The following BRSK2 variants were observed in gnomAD, a reference collection of about 807,000 sequenced individuals.
The protein encoded by BRSK2 is serine/threonine-protein kinase BRSK2.
BRSK2 carries 19 observed loss-of-function variants against 83.3 expected under a neutral mutation model. The ratio of observed to expected loss-of-function variants is 0.23; its 90% CI spans 0.16 to 0.33. BRSK2 has a LOEUF of 0.33. BRSK2 is among the 10% of genes least tolerant of loss of function. BRSK2 has a pLI of 1.00. For synonymous variants in BRSK2, 519 were observed against 435.4 expected (o/e 1.19, Z -2.39); for missense variants, 798 against 1,042.3 (o/e 0.77, Z 3.23).
intron 12 of BRSK2, among the ~76,000 whole-genome samples, chr11:1,447,060 G>T (rs1852247192): frequency 6.6e-6 from 1 of 151,912 alleles, no homozygotes; most frequent in South Asian, 2.1e-4. Context: ...ATGGCCCCCT[G>T]GGAGTCCTAG....
intron 4 of BRSK2, among the ~76,000 whole-genome samples, chr11:1,441,568 C>CA (rs1305541576): frequency 4.1e-4 from 1 of 2,444 alleles, no homozygotes; most frequent in Non-Finnish European, 1.1e-3. Flanking sequence ...GTGCACCGTC[C>CA]CCCCATTAGC....
At position 1,390,479 on chromosome 11, in the gene BRSK2, G is replaced by A; in HGVS notation, c.91+104G>A. The A allele has an allele frequency of 1.7e-6, 1 of 575,482 alleles. No individual in the cohort carries two copies. The highest frequency in any genetic ancestry group is 2.2e-6 in the Non-Finnish European group (1 of 457,114). The allele number at this position is 575,482 out of a possible 1,614,324, so 35.6% of individuals were successfully genotyped here. On this transcript the variant is annotated intron_variant, in intron 1 of 19. Coordinates refer to ENST00000528841, the MANE Select transcript of BRSK2 (RefSeq NM_001256627.2). This position sits in a 1 kb window ranked among gnomAD's most constrained non-coding sequence, Gnocchi z 6.8. ...CCCCGGCCGCGAAGCCGCAGGCCCGGCCCGGGCCCCGGCCGCGAACAATGG... is the reference window on the plus strand; with the variant it reads ...CCCCGGCCGCGAAGCCGCAGGCCCGACCCGGGCCCCGGCCGCGAACAATGG...
rs1458532464 is a variant in BRSK2, at chr11:1,460,761, G to A, written c.*38G>A. The A allele has an allele frequency of 7.2e-6, 10 of 1,389,668 alleles. No homozygotes were observed. Among genetic ancestry groups the A allele is most frequent in the Admixed American group, 3.2e-5 (1 of 31,198 alleles). 86.1% of individuals were successfully genotyped at this position (1,389,668 alleles called of 1,614,324 possible). A position where few individuals can be genotyped will look rare whatever the true frequency, so the allele number is the denominator to read the frequency against. On this transcript the variant is annotated 3_prime_UTR_variant, in exon 20 of 20. Coordinates refer to ENST00000528841, the MANE Select transcript of BRSK2 (RefSeq NM_001256627.2). Reference sequence around the variant, plus strand: ...CCCCCCCCAGCACAGCACTGACAGCGGCTGCCTCGCCGCCCGCCGCCCGCC... The same window carrying A: ...CCCCCCCCAGCACAGCACTGACAGCAGCTGCCTCGCCGCCCGCCGCCCGCC...
intron 1 of BRSK2, among the ~76,000 whole-genome samples, chr11:1,422,751 GAC>G (rs1848757531): frequency 6.6e-6 from 1 of 152,164 alleles, no homozygotes; most frequent in Non-Finnish European, 1.5e-5. Context: ...TGGGGAACTG[GAC>G]ACACTTCCTC....
chr11:1,439,267 C>T (rs1024803801), intron 3 of BRSK2, among the ~76,000 whole-genome samples: 2 of 152,088 alleles, frequency 1.3e-5, no homozygotes, highest in South Asian at 4.2e-4. Flanking sequence ...CACGCTTGCT[C>T]TGGCCTGGGT....
chr11:1,392,266 T>C (rs1002811974), intron 1 of BRSK2, among the ~76,000 whole-genome samples: 2 of 152,154 alleles, frequency 1.3e-5, no homozygotes, highest in Non-Finnish European at 2.9e-5. Context: ...CCAGGAGACC[T>C]CCGTGGGAGA....
intron 5 of BRSK2, 34 bp downstream of exon 5, chr11:1,442,640 G>T: frequency 2.0e-6 from 3 of 1,538,148 alleles, no homozygotes; most frequent in Non-Finnish European, 2.7e-6. Context: ...AGAGGCTGGG[G>T]GACAGGCTGG....
intron 1 of BRSK2, among the ~76,000 whole-genome samples, chr11:1,434,888 T>C (rs893624042): frequency 6.6e-6 from 1 of 151,872 alleles, no homozygotes; most frequent in Non-Finnish European, 1.5e-5. Context: ...GCATCTCCAG[T>C]GTCAAGGCCA....
Position 1,450,652 on chromosome 11 carries a change from G to A in BRSK2, c.1353G>A (p.Thr451=), listed in dbSNP as rs774027450. 2.0e-4 allele frequency: 329 copies of A among 1,608,656 alleles called. No homozygotes were observed. Among genetic ancestry groups the A allele is most frequent in the South Asian group, 2.5e-4 (23 of 90,604 alleles). Reference sequence around the variant, plus strand: ...CCCCCAAGGGGACACCTGTCCACACGCCAAAGGAGAGCCCGGCTGGCACGC... The same window carrying A: ...CCCCCAAGGGGACACCTGTCCACACACCAAAGGAGAGCCCGGCTGGCACGC... ...LPTPKGTPVH[T]PKESPAGTPN... is the part of the protein sequence containing the mutation. Residue 451 remains threonine (T), a synonymous_variant, in exon 14 of 20, where the codon ACG becomes ACA. Transcript: ENST00000528841.
rs138387088 is a variant in BRSK2, at chr11:1,428,147, G to A, written c.92-7893G>A. ...AGAGCTCCAGGATGCAGCTGGGGAC[G>A]GCTCTCCTACATCCCAGCCTGCTGC... On this transcript the variant is annotated intron_variant, in intron 1 of 19. Coordinates refer to ENST00000528841, the MANE Select transcript of BRSK2 (RefSeq NM_001256627.2). Among the ~76,000 whole-genome samples the A allele has an allele frequency of 2.4e-3, 363 of 152,234 alleles. 2 individuals are homozygous for A. Among genetic ancestry groups the A allele is most frequent in the African/African-American group, 8.3e-3 (345 of 41,540 alleles).
intron 12 of BRSK2, among the ~76,000 whole-genome samples, chr11:1,446,927 C>T (rs1210633324): frequency 6.6e-6 from 1 of 152,134 alleles, no homozygotes; most frequent in African/African-American, 2.4e-5. Context: ...TGGCCTGTTC[C>T]TCGGGAACTT....
chr11:1,444,843 C>G (rs1851798772), intron 8 of BRSK2, 128 bp from the exon 9 acceptor site: 3 of 811,052 alleles, frequency 3.7e-6, no homozygotes, highest in Non-Finnish European at 6.3e-6. Context: ...ACCTTCCCCC[C>G]ACTCACTTGC....
intron 18 of BRSK2, among the ~76,000 whole-genome samples, chr11:1,457,637 G>A (rs577635373): frequency 4.6e-5 from 7 of 152,204 alleles, no homozygotes; most frequent in Admixed American, 2.0e-4. Context: ...GGGAGCACCC[G>A]GCTGGACCCT....
Position 1,390,426 on chromosome 11 carries a change from G to T in BRSK2, c.91+51G>T. On this transcript the variant is annotated intron_variant, in intron 1 of 19. Transcript: ENST00000528841. This position sits in a 1 kb window ranked among gnomAD's most constrained non-coding sequence, Gnocchi z 6.8. ...GGGCCGGGGAGGCCGCGCTGGCAGC[G>T]CGCTGGGTGGGGGGCGCCCGAGGGA... 1 of 977,794 alleles carries T rather than the reference G, an allele frequency of 1.0e-6. No individual in the cohort carries two copies. Among genetic ancestry groups the T allele is most frequent in the African/African-American group, 1.8e-5 (1 of 56,402 alleles). The allele number at this position is 977,794 out of a possible 1,614,324, so 60.6% of individuals were successfully genotyped here. A position where few individuals can be genotyped will look rare whatever the true frequency, so the allele number is the denominator to read the frequency against.
chr11:1,451,469 G>A (rs200352902), intron 15 of BRSK2, 50 bp downstream of exon 15: 523 of 1,590,718 alleles, frequency 3.3e-4, no homozygotes, highest in Middle Eastern at 8.3e-4. Flanking sequence ...CAGGCTGGCC[G>A]GGAGAGGGGC....
intron 12 of BRSK2, among the ~76,000 whole-genome samples, chr11:1,446,466 G>A (rs1319131630): frequency 6.6e-6 from 1 of 151,884 alleles, no homozygotes; most frequent in Non-Finnish European, 1.5e-5. Context: ...ACCCAAGCTT[G>A]GCTGGGCTGA....
intron 1 of BRSK2, among the ~76,000 whole-genome samples, chr11:1,403,536 C>T (rs949855918): frequency 2.6e-5 from 4 of 152,312 alleles, no homozygotes; most frequent in African/African-American, 4.8e-5. Flanking sequence ...GCAGGGGCTG[C>T]GGAGGAGGGG....
rs751870939 is a variant in BRSK2, at chr11:1,450,684, C to T, written c.1385C>T (p.Pro462Leu). The change falls in exon 14 of 20, where the codon CCC becomes CTC. Residue 462 changes from proline to leucine, a missense_variant. Physicochemically the swap from Pro to Leu is moderately conservative, Grantham distance 98. Transcript: ENST00000528841. ...GAGAGCCCGGCTGGCACGCCCAACCCCACGCCCCCGTCCAGCCCCAGCGTC... is the reference window on the plus strand; with the variant it reads ...GAGAGCCCGGCTGGCACGCCCAACCTCACGCCCCCGTCCAGCCCCAGCGTC... ...PKESPAGTPNPTPPSSPSVGG... is the reference protein window; with the variant it reads ...PKESPAGTPNLTPPSSPSVGG... 1.2e-6 allele frequency: 2 copies of T among 1,609,484 alleles called. No homozygotes were observed. Among genetic ancestry groups the T allele is most frequent in the Non-Finnish European group, 1.7e-6 (2 of 1,178,738 alleles).
chr11:1,444,828 T>TC, intron 8 of BRSK2, 143 bp from the exon 9 acceptor site: 2 of 728,620 alleles, frequency 2.7e-6, no homozygotes, highest in Non-Finnish European at 2.4e-6. Flanking sequence ...CCTATCTTCC[T>TC]CCCCACCTTC....
Sources: allele counts gnomAD v4.1 joint callset (sites outside exome capture counted in the v4.1 genomes callset), GRCh38; gene constraint gnomAD v4.1.1; non-coding constraint Gnocchi (gnomAD v3.1); transcripts MANE v1.5; gene names NCBI Gene and HGNC (gene_info 2026-07-23, HGNC 2026-07-21).